Variants in KIAA0586 observed in about 807,000 individuals in gnomAD.
The protein encoded by KIAA0586 is protein TALPID3.
A neutral mutation model predicts 169.8 loss-of-function variants in KIAA0586; 144 were observed. The ratio of observed to expected loss-of-function variants is 0.85; its 90% CI spans 0.74 to 0.97. KIAA0586 has a LOEUF of 0.97. Ranked by LOEUF, KIAA0586 falls within the 50% of genes least tolerant of loss-of-function variation. KIAA0586 has a pLI of 0.00. For synonymous variants in KIAA0586, 625 were observed against 612.4 expected (o/e 1.02, Z -0.30); for missense variants, 1,854 against 1,823.0 (o/e 1.02, Z -0.31).
chr14:58,521,894 TG>T, intron 29 of KIAA0586: 1 of 1,302,326 alleles, frequency 7.7e-7, no homozygotes, highest in South Asian at 1.2e-5. Context: ...ACAATGAAGA[TG>T]GGGGATGACC....
rs1041782841 is a variant in KIAA0586 at position 58,455,320 on chromosome 14, G to A, written c.1254-1382G>A. 5.9e-5 allele frequency among the ~76,000 whole-genome samples: 9 copies of A among 152,244 alleles called. No individual in the cohort carries two copies. The East Asian group carries it at 1.7e-3, about 29-fold the overall frequency. ...TTTGCCTAGTAAGTCTAATATCTGG[G>A]ATTCCTCAACAGCAGTTTCTTTTGA... is the stretch of plus-strand genomic sequence containing the variant. On this transcript the variant is annotated intron_variant, in intron 9 of 30. Transcript: ENST00000652326.
chr14:58,456,778 CA>C lies in KIAA0586; in HGVS notation c.1335del (p.Glu446ArgfsTer14). 1 of 1,600,670 alleles carries C rather than the reference CA, an allele frequency of 6.2e-7. No homozygotes were observed. Among genetic ancestry groups the C allele is most frequent in the Non-Finnish European group, 8.5e-7 (1 of 1,172,308 alleles). On this transcript the variant is annotated frameshift_variant, in exon 10 of 31. Transcript: ENST00000652326. LOFTEE classifies it high-confidence loss of function. ...TGATGATGTTCTTCATGACCTTGGC[CA>C]AAAAGAGAAAGAAACAAATAGCATG... ...KSDDVLHDLG[Q>X]KEKETNSMVQ...
At chr14:58,475,805 A>G (rs968159084) in intron 19 of KIAA0586, among the ~76,000 whole-genome samples, 3 of 152,188 alleles carry the variant, frequency 2.0e-5, no homozygotes, top group Non-Finnish European at 2.9e-5. Flanking sequence ...GATCTTACTC[A>G]AAAGTAAGTA....
intron 29 of KIAA0586, among the ~76,000 whole-genome samples, chr14:58,532,299 C>T (rs1297375241): frequency 6.6e-6 from 1 of 152,090 alleles, no homozygotes; most frequent in East Asian, 1.9e-4. Context: ...CAAATTGTTA[C>T]TTCACTTCTG....
intron 19 of KIAA0586, 63 bp from the exon 20 acceptor site, chr14:58,477,060 C>A: frequency 1.1e-6 from 1 of 900,686 alleles, no homozygotes; most frequent in Non-Finnish European, 1.8e-6. Flanking sequence ...GTATGTCTAA[C>A]ATTTTTTACA....
intron 24 of KIAA0586, 130 bp from the exon 25 acceptor site, chr14:58,490,034 G>T (rs904772077): frequency 5.8e-6 from 3 of 515,132 alleles, no homozygotes; most frequent in South Asian, 6.1e-5. Flanking sequence ...TGAATTACTT[G>T]TTTATAAACT....
At chr14:58,448,634 C>G (rs1334070960) in intron 7 of KIAA0586, 141 bp downstream of exon 7, 28 of 405,866 alleles carry the variant, frequency 6.9e-5, no homozygotes, top group Admixed American at 2.9e-4. Context: ...TTTTATAAAA[C>G]AATTTTTTTA....
chr14:58,472,247 A>G lies in KIAA0586; in HGVS notation c.2602A>G (p.Thr868Ala), dbSNP rs2141002550. ...VDEEEVKFPG[T>A]NFDEIIDVIQ... ...TGAAGAAGAGGTGAAGTTTCCAGGA[A>G]CTAACTTTGATGAAATAATCGATGT... Residue 868 changes from threonine (T) to alanine (A), a missense_variant, in exon 18 of 31, where the codon ACT becomes GCT. Physicochemically the swap from Thr to Ala is moderately conservative, Grantham distance 58 (BLOSUM62 0). Coordinates refer to ENST00000652326, the MANE Select transcript of KIAA0586 (RefSeq NM_001329943.3). The G allele has an allele frequency of 6.3e-7, 1 of 1,584,178 alleles. No individual in the cohort carries two copies.
chr14:58,448,046 A>G (rs534454669), intron 6 of KIAA0586, among the ~76,000 whole-genome samples: 2 of 152,260 alleles, frequency 1.3e-5, no homozygotes, highest in East Asian at 3.9e-4. Context: ...GCCGGCTGCA[A>G]TGGCCCCTGA....
At chr14:58,454,526 A>G (rs981762291) in intron 9 of KIAA0586, among the ~76,000 whole-genome samples, 2 of 152,330 alleles carry the variant, frequency 1.3e-5, no homozygotes, top group Non-Finnish European at 2.9e-5. Context: ...TATGGATTCA[A>G]GTTAGCCCAG....
rs1361540026 is a variant in KIAA0586, at chr14:58,550,368, C to G, written c.*2436C>G. On this transcript the variant is annotated 3_prime_UTR_variant, in exon 31 of 31. Transcript: ENST00000652326. ...CTCCTGTACACATTCCTCTGCCAAC[C>G]ACTTCAGATTCTTTTGGAATAAGAC... 2 of 152,150 alleles carry G rather than the reference C, an allele frequency of 1.3e-5. No individual in the cohort carries two copies. The highest frequency in any genetic ancestry group is 2.9e-5 in the Non-Finnish European group (2 of 68,012). 9.4% of individuals were successfully genotyped at this position (152,150 alleles called of 1,614,324 possible). A position where few individuals can be genotyped will look rare whatever the true frequency, so the allele number is the denominator to read the frequency against.
At chr14:58,538,786 GT>G (rs1338224444) in intron 29 of KIAA0586, among the ~76,000 whole-genome samples, 5 of 150,552 alleles carry the variant, frequency 3.3e-5, no homozygotes, top group Non-Finnish European at 7.4e-5. Flanking sequence ...GAGTTCAATT[GT>G]TTTTTCTTTT....
At chr14:58,508,480 A>T in intron 27 of KIAA0586, 75 bp from the exon 28 acceptor site, 1 of 1,160,468 alleles carries the variant, frequency 8.6e-7, no homozygotes, top group South Asian at 1.5e-5. Context: ...TGGTGGTTTT[A>T]GTCAACTACT....
At chr14:58,478,405 C>T (rs1247814791) in intron 20 of KIAA0586, among the ~76,000 whole-genome samples, 1 of 152,168 alleles carries the variant, frequency 6.6e-6, no homozygotes, top group East Asian at 1.9e-4. Context: ...ATTGCTTGAA[C>T]CCAGGAGGCG....
chr14:58,473,811 CA>C (rs1217155657), intron 18 of KIAA0586, among the ~76,000 whole-genome samples: 2 of 151,864 alleles, frequency 1.3e-5, no homozygotes, highest in Non-Finnish European at 2.9e-5. Flanking sequence ...GAGGCTGAGA[CA>C]GGAGAATTGC....
At chr14:58,466,130 G>A in intron 15 of KIAA0586, 101 bp downstream of exon 15, 1 of 861,300 alleles carries the variant, frequency 1.2e-6, no homozygotes, top group Admixed American at 2.6e-5. Context: ...GGCTCAGAGT[G>A]GTCTGGAACT....
At chr14:58,458,430 C>A in intron 11 of KIAA0586, 43 bp from the exon 12 acceptor site, 1 of 1,050,374 alleles carries the variant, frequency 9.5e-7, no homozygotes, top group Non-Finnish European at 1.4e-6. Context: ...CTGCTCAGGA[C>A]AGTAAGTGCT....
chr14:58,559,633 C>T, the KIAA0586 span, among the ~76,000 whole-genome samples: 1 of 152,196 alleles, frequency 6.6e-6, no homozygotes, highest in Non-Finnish European at 1.5e-5. Context: ...CCTTCTTTCT[C>T]TTTCCTCTGT....
At chr14:58,545,150 C>T (rs2046902739) in intron 30 of KIAA0586, among the ~76,000 whole-genome samples, 1 of 152,196 alleles carries the variant, frequency 6.6e-6, no homozygotes, top group African/African-American at 2.4e-5. Context: ...TGGAGAAGCC[C>T]ACTTTAATGT....
Sources: allele counts gnomAD v4.1 joint callset (sites outside exome capture counted in the v4.1 genomes callset), GRCh38; gene constraint gnomAD v4.1.1; transcripts MANE v1.5; gene names NCBI Gene and HGNC (gene_info 2026-07-23, HGNC 2026-07-21).